Variants in SHC3 observed in about 807,000 individuals in gnomAD.
SHC3 encodes SHC adaptor protein 3.
In SHC3, 15 loss-of-function variants were observed where a neutral mutation model predicts 60.4. The ratio of observed to expected loss-of-function variants is 0.25; its 90% CI spans 0.17 to 0.38. The LOEUF (loss-of-function observed/expected upper bound fraction) is 0.38. SHC3 is among the 10% of genes least tolerant of loss of function. The pLI is 1.00. For synonymous variants in SHC3, 294 were observed against 325.9 expected (o/e 0.90, Z 1.05); for missense variants, 677 against 786.1 (o/e 0.86, Z 1.66).
At chr9:89,077,111 A>G (rs1463514430) in intron 3 of SHC3, among the ~76,000 whole-genome samples, 1 of 151,966 alleles carries the variant, frequency 6.6e-6, no homozygotes, top group Non-Finnish European at 1.5e-5. Context: ...CAGGAGGCGG[A>G]GATTTCAGTC....
chr9:89,134,321 A>T (rs549901599), intron 1 of SHC3, among the ~76,000 whole-genome samples: 2 of 152,254 alleles, frequency 1.3e-5, no homozygotes, highest in African/African-American at 4.8e-5. Context: ...AAAGTTTATT[A>T]AAAAATTAAT....
chr9:89,110,107 T>G, intron 2 of SHC3: 1 of 985,402 alleles, frequency 1.0e-6, no homozygotes, highest in Non-Finnish European at 1.2e-6. Context: ...AAGAAAGATG[T>G]TTTCCTTTCA....
intron 2 of SHC3, among the ~76,000 whole-genome samples, chr9:89,092,935 C>T (rs1462514539): frequency 2.0e-5 from 3 of 152,070 alleles, no homozygotes; most frequent in African/African-American, 2.4e-5. Flanking sequence ...CATTGTAGTT[C>T]ATTCCTTTTT....
At chr9:89,070,954 T>G (rs958756155) in intron 5 of SHC3, among the ~76,000 whole-genome samples, 2 of 152,292 alleles carry the variant, frequency 1.3e-5, no homozygotes, top group Middle Eastern at 3.4e-3. Flanking sequence ...AGAACGCCAG[T>G]GCCTCCAGGA....
chr9:89,123,667 C>T (rs1826122673), intron 1 of SHC3, among the ~76,000 whole-genome samples: 1 of 152,202 alleles, frequency 6.6e-6, no homozygotes, highest in Non-Finnish European at 1.5e-5. Flanking sequence ...AATCCAGCTT[C>T]AGAGAGCTAT....
At chr9:89,122,231 C>A (rs775293642) in intron 1 of SHC3, among the ~76,000 whole-genome samples, 7 of 152,196 alleles carry the variant, frequency 4.6e-5, no homozygotes, top group Non-Finnish European at 7.3e-5. Context: ...GCATAAATGT[C>A]CTCTTATCCT....
In SHC3 at chr9:89,095,034, C is replaced by T. The variant is rs192914458; in HGVS notation, c.546-17131G>A. On this transcript the variant is annotated intron_variant, in intron 2 of 11. Transcript: ENST00000375835. ...GAACTTGTTGGAGTATACAATTGTG[C>T]AGCCACTGTGGAAAACGGCATGGCG... 2.6e-5 allele frequency among the ~76,000 whole-genome samples: 4 copies of T among 152,258 alleles called. No individual in the cohort carries two copies. The East Asian group carries it at 7.7e-4, about 29-fold the overall frequency.
intron 1 of SHC3, among the ~76,000 whole-genome samples, chr9:89,137,472 A>G (rs753030874): frequency 2.0e-5 from 3 of 152,160 alleles, no homozygotes; most frequent in Non-Finnish European, 4.4e-5. Flanking sequence ...TAAGAAATTG[A>G]TGGTACAATT....
chr9:89,176,952 G>A (rs1826949563), intron 1 of SHC3, among the ~76,000 whole-genome samples: 2 of 152,188 alleles, frequency 1.3e-5, no homozygotes, highest in Non-Finnish European at 2.9e-5. Flanking sequence ...CAATATTTAC[G>A]GAACAGACAT....
chr9:89,143,095 T>C (rs530585030), intron 1 of SHC3, among the ~76,000 whole-genome samples: 1 of 152,288 alleles, frequency 6.6e-6, no homozygotes, highest in African/African-American at 2.4e-5. Context: ...GTTAAGAAAG[T>C]AAAGTAATAA....
At chr9:89,136,838 T>C (rs1319836282) in intron 1 of SHC3, among the ~76,000 whole-genome samples, 1 of 151,960 alleles carries the variant, frequency 6.6e-6, no homozygotes, top group African/African-American at 2.4e-5. Flanking sequence ...CTGGAGTGTA[T>C]TAGACCATTC....
intron 1 of SHC3, among the ~76,000 whole-genome samples, chr9:89,169,850 A>C (rs943384854): frequency 1.3e-5 from 2 of 152,136 alleles, no homozygotes; most frequent in African/African-American, 4.8e-5. Flanking sequence ...CTCATAATAA[A>C]TGTTTAAATT....
chr9:89,100,189 AT>A (rs540681890), intron 2 of SHC3, among the ~76,000 whole-genome samples: 5 of 152,134 alleles, frequency 3.3e-5, no homozygotes, highest in Non-Finnish European at 2.9e-5. Flanking sequence ...CAAGATGCAT[AT>A]TTTTTTTCAT....
At chr9:89,162,430 A>T (rs1291592494) in intron 1 of SHC3, among the ~76,000 whole-genome samples, 2 of 151,592 alleles carry the variant, frequency 1.3e-5, no homozygotes, top group Admixed American at 6.6e-5. Flanking sequence ...GCCCTCAGAA[A>T]TAATGCCGCA....
At chr9:89,110,331 C>T (rs1825928104) in intron 2 of SHC3, 1 of 984,724 alleles carries the variant, frequency 1.0e-6, no homozygotes, top group African/African-American at 1.7e-5. Context: ...AAAGGTGTGA[C>T]TGGAGTGCCT....
chr9:89,101,756 T>C (rs1314210531), intron 2 of SHC3, among the ~76,000 whole-genome samples: 1 of 152,064 alleles, frequency 6.6e-6, no homozygotes, highest in Non-Finnish European at 1.5e-5. Flanking sequence ...AATTTGTTTA[T>C]ATGTTGTTAG....
At chr9:89,039,745 T>C (rs1416773706) in intron 10 of SHC3, among the ~76,000 whole-genome samples, 1 of 150,460 alleles carries the variant, frequency 6.6e-6, no homozygotes, top group East Asian at 2.0e-4. Context: ...GCAGCAGCAA[T>C]AGCATCACCA....
chr9:89,068,578 T>C (rs1825219270), intron 5 of SHC3, among the ~76,000 whole-genome samples: 2 of 152,170 alleles, frequency 1.3e-5, no homozygotes, highest in African/African-American at 4.8e-5. Flanking sequence ...TCCTGTGTTA[T>C]GACATTTTAT....
chr9:89,064,509 T>A (rs1176824341), intron 6 of SHC3, among the ~76,000 whole-genome samples: 1 of 152,176 alleles, frequency 6.6e-6, no homozygotes, highest in African/African-American at 2.4e-5. Flanking sequence ...TCCTTCAGGA[T>A]CTGGACCTAA....
Sources: allele counts gnomAD v4.1 joint callset (sites outside exome capture counted in the v4.1 genomes callset), GRCh38; gene constraint gnomAD v4.1.1; transcripts MANE v1.5; gene names NCBI Gene and HGNC (gene_info 2026-07-23, HGNC 2026-07-21).